Variants in TBC1D22A observed in about 807,000 individuals in gnomAD.
TBC1D22A encodes the protein TBC1 domain family member 22A.
TBC1D22A carries 38 observed loss-of-function variants against 60.2 expected under a neutral mutation model. The observed-to-expected ratio is 0.63, with a 90% CI of 0.49 to 0.83. The LOEUF (loss-of-function observed/expected upper bound fraction) is 0.83, where lower values mean the gene tolerates loss of function less well. TBC1D22A is among the 40% of genes least tolerant of loss of function. The probability of loss-of-function intolerance (pLI) is 0.00; values close to 1 mark genes in which losing one functional copy is unlikely to be tolerated. For synonymous variants in TBC1D22A, 302 were observed against 281.7 expected (o/e 1.07, Z -0.72); for missense variants, 628 against 701.0 (o/e 0.90, Z 1.18).
In TBC1D22A at chr22:46,925,258, T is replaced by G. The variant is rs919052770; in HGVS notation, c.1015+13070T>G. ...GTGCTTTTGTGCTCCACAGTTAATC[T>G]CGGAAACATTGAAAGGTAAAAACCA... On this transcript the variant is annotated intron_variant, in intron 8 of 12. Coordinates refer to ENST00000337137, the MANE Select transcript of TBC1D22A (RefSeq NM_014346.5). 4.6e-5 allele frequency among the ~76,000 whole-genome samples: 7 copies of G among 152,206 alleles called. No individual in the cohort carries two copies. In the South Asian group the frequency reaches 6.2e-4, roughly 13 times the overall value.
chr22:46,830,357 A>G (rs1411542809), intron 4 of TBC1D22A, among the ~76,000 whole-genome samples: 3 of 152,202 alleles, frequency 2.0e-5, no homozygotes, highest in Non-Finnish European at 4.4e-5. Flanking sequence ...ATTCTCAATA[A>G]ATGACAGATC....
Position 46,790,019 on chromosome 22 carries a change from A to G in TBC1D22A, c.63-2501A>G, listed in dbSNP as rs2084338190. ...CAAGGAAAACAGATTGGCCACCGCCATTGTCTTTCTGTGACTGCTCTAGCA... is the reference window on the plus strand; with the variant it reads ...CAAGGAAAACAGATTGGCCACCGCCGTTGTCTTTCTGTGACTGCTCTAGCA... On this transcript the variant is annotated intron_variant, in intron 1 of 12. Transcript: ENST00000337137. Among the ~76,000 whole-genome samples the G allele has an allele frequency of 2.0e-5, 3 of 152,268 alleles. No individual in the cohort carries two copies. In the South Asian group the frequency reaches 6.2e-4, roughly 31 times the overall value.
chr22:46,886,847 A>C (rs2068144759), intron 5 of TBC1D22A, among the ~76,000 whole-genome samples: 1 of 152,224 alleles, frequency 6.6e-6, no homozygotes. Flanking sequence ...AAAAGCAGCC[A>C]CACACAGTAC....
At chr22:47,061,797 G>C (rs2063587203) in intron 11 of TBC1D22A, among the ~76,000 whole-genome samples, 1 of 152,192 alleles carries the variant, frequency 6.6e-6, no homozygotes, top group African/African-American at 2.4e-5. Flanking sequence ...CTTGAGGTTA[G>C]AAAGTGTGAC....
chr22:46,774,210 G>T, intron 1 of TBC1D22A: 2 of 985,568 alleles, frequency 2.0e-6, no homozygotes, highest in Non-Finnish European at 2.4e-6. Flanking sequence ...TGCTGTGCTC[G>T]GCAGCAGAGA....
chr22:46,833,024 G>C (rs1299737956), intron 4 of TBC1D22A, among the ~76,000 whole-genome samples: 1 of 152,208 alleles, frequency 6.6e-6, no homozygotes, highest in Non-Finnish European at 1.5e-5. Context: ...TGCATTCTGA[G>C]GCCCTGTCCG....
chr22:47,121,427 T>A (rs534575837), intron 12 of TBC1D22A, among the ~76,000 whole-genome samples: 2 of 152,244 alleles, frequency 1.3e-5, no homozygotes, highest in Admixed American at 6.5e-5. Context: ...TACAGTTACC[T>A]AAGTTATGGT....
intron 11 of TBC1D22A, among the ~76,000 whole-genome samples, chr22:47,063,386 G>A (rs570770977): frequency 7.2e-5 from 11 of 152,126 alleles, no homozygotes; most frequent in Non-Finnish European, 1.2e-4. Flanking sequence ...AGTTAGGCCC[G>A]GCCTCGTCCT....
intron 8 of TBC1D22A, among the ~76,000 whole-genome samples, chr22:46,948,667 T>C (rs1276350148): frequency 1.3e-5 from 2 of 152,242 alleles, no homozygotes; most frequent in Non-Finnish European, 2.9e-5. Flanking sequence ...CCCTCTTTGG[T>C]CTTTGTCCCC....
chr22:47,133,479 G>T (rs979447693), intron 12 of TBC1D22A, among the ~76,000 whole-genome samples: 3 of 152,198 alleles, frequency 2.0e-5, no homozygotes, highest in Admixed American at 6.5e-5. Flanking sequence ...GGCCGCCTGT[G>T]GGGGGTGCTG....
intron 9 of TBC1D22A, among the ~76,000 whole-genome samples, chr22:46,977,996 A>G (rs376255794): frequency 5.9e-4 from 90 of 152,342 alleles, no homozygotes; most frequent in African/African-American, 2.1e-3. Context: ...AGATTGTTTA[A>G]CACGCATTGT....
intron 11 of TBC1D22A, among the ~76,000 whole-genome samples, chr22:47,057,364 C>T (rs1705750038): frequency 6.6e-6 from 1 of 152,206 alleles, no homozygotes; most frequent in African/African-American, 2.4e-5. Context: ...CTGCACTTTG[C>T]AGCAGGATTT....
chr22:46,793,790 G>T lies in TBC1D22A; in HGVS notation c.409G>T (p.Asp137Tyr). Residue 137 changes from aspartate to tyrosine, a missense_variant, in exon 3 of 13, where the codon GAC becomes TAC. Transcript: ENST00000337137. The stretch of plus-strand genomic sequence containing the variant: ...AGAGCCGCCCTCACCCCCCAGCGGC[G>T]ACCTCCGGCTGGTGAAGTCGGTCAG... ...EAEPPSPPSG[D>Y]LRLVKSVSES... The T allele has an allele frequency of 6.3e-7, 1 of 1,599,406 alleles. No homozygotes were observed. The highest frequency in any genetic ancestry group is 1.1e-5 in the South Asian group (1 of 89,562).
intron 11 of TBC1D22A, among the ~76,000 whole-genome samples, chr22:47,097,862 G>A (rs1225337917): frequency 1.3e-5 from 2 of 152,052 alleles, no homozygotes; most frequent in African/African-American, 4.8e-5. Flanking sequence ...GGCTCCCTGT[G>A]CCCAGAGGTT....
At chr22:46,910,063 T>C (rs1221225980) in intron 7 of TBC1D22A, among the ~76,000 whole-genome samples, 2 of 152,214 alleles carry the variant, frequency 1.3e-5, no homozygotes, top group Non-Finnish European at 2.9e-5. Context: ...TGAGTGGGTT[T>C]GGTCTTTGAT....
intron 11 of TBC1D22A, among the ~76,000 whole-genome samples, chr22:47,046,253 C>T (rs1254194315): frequency 2.0e-5 from 3 of 152,154 alleles, no homozygotes; most frequent in South Asian, 2.1e-4. Context: ...GGTCACGGCT[C>T]GGTAGTGGAG....
chr22:47,134,598 A>C (rs1569465989), intron 12 of TBC1D22A, among the ~76,000 whole-genome samples: 1 of 152,248 alleles, frequency 6.6e-6, no homozygotes, highest in South Asian at 2.1e-4. Flanking sequence ...TGGGTGTAAA[A>C]GGAATCAAAA....
At position 47,061,863 on chromosome 22, in the gene TBC1D22A, G is replaced by A. The variant is rs372531617; in HGVS notation, c.1329+24665G>A. Among the ~76,000 whole-genome samples, 24 of 152,164 alleles carry A rather than the reference G, an allele frequency of 1.6e-4. No individual in the cohort carries two copies. In the East Asian group the frequency reaches 2.3e-3, roughly 15 times the overall value. On this transcript the variant is annotated intron_variant, in intron 11 of 12. Coordinates refer to ENST00000337137, the MANE Select transcript of TBC1D22A (RefSeq NM_014346.5). ...GGCACTTTGGGAGGCTGAGGCCAGC[G>A]GATCACTTGAGGTCCAGAGTTCGAG...
chr22:46,856,159 A>G (rs890826878), intron 4 of TBC1D22A, among the ~76,000 whole-genome samples: 3 of 152,176 alleles, frequency 2.0e-5, no homozygotes, highest in Non-Finnish European at 2.9e-5. Flanking sequence ...CGTGCCAGAG[A>G]GGTCTTGTGA....
Sources: allele counts gnomAD v4.1 joint callset (sites outside exome capture counted in the v4.1 genomes callset), GRCh38; gene constraint gnomAD v4.1.1; transcripts MANE v1.5; gene names NCBI Gene and HGNC (gene_info 2026-07-23, HGNC 2026-07-21).